Variants in PARD3 observed in about 807,000 individuals in gnomAD.
The protein encoded by PARD3 is par-3 family cell polarity regulator.
PARD3 carries 75 observed loss-of-function variants against 155.4 expected under a neutral mutation model. The observed-to-expected ratio is 0.48, with a 90% confidence interval of 0.40 to 0.58. The LOEUF (loss-of-function observed/expected upper bound fraction) is 0.58, where lower values mean the gene tolerates loss of function less well. Ranked by LOEUF, PARD3 falls within the 20% of genes least tolerant of loss-of-function variation. PARD3 has a pLI of 0.00. For synonymous variants in PARD3, 576 were observed against 610.5 expected, an observed-to-expected ratio of 0.94 and a Z score of 0.83; for missense variants, 1,642 against 1,721.7, an observed-to-expected ratio of 0.95 and a Z score of 0.82.
At chr10:34,542,411 AT>A (rs2083707628) in intron 2 of PARD3, among the ~76,000 whole-genome samples, 1 of 152,170 alleles carries the variant, frequency 6.6e-6, no homozygotes, top group African/African-American at 2.4e-5. Context: ...TCTAAACAGT[AT>A]AGGTCAGGGA....
chr10:34,297,027 C>T (rs1336065780), intron 20 of PARD3, among the ~76,000 whole-genome samples: 2 of 152,192 alleles, frequency 1.3e-5, no homozygotes. Context: ...CCATGATAAA[C>T]AGCCTCACTC....
intron 2 of PARD3, among the ~76,000 whole-genome samples, chr10:34,628,873 G>A (rs1425570278): frequency 6.6e-6 from 1 of 152,188 alleles, no homozygotes; most frequent in Non-Finnish European, 1.5e-5. Flanking sequence ...GCATTACAGA[G>A]AGGAGTGGTT....
intron 1 of PARD3, among the ~76,000 whole-genome samples, chr10:34,757,693 G>GAA (rs970413008): frequency 7.3e-6 from 1 of 136,722 alleles, no homozygotes. Flanking sequence ...CTGTCTCCAA[G>GAA]AAAAAAAAAA....
chr10:34,194,452 G>A (rs535669860), intron 22 of PARD3, among the ~76,000 whole-genome samples: 26 of 152,104 alleles, frequency 1.7e-4, no homozygotes, highest in South Asian at 4.2e-4. Context: ...AACCAAGATC[G>A]CACAGAGAAA....
Position 34,359,291 on chromosome 10 carries a change from T to C in PARD3, c.1923A>G (p.Gln641=), listed in dbSNP as rs780645347. ...GGGATTCTCCATTTACTGCTATCAG[T>C]TGATCATTCACCCGAAGCCTTCCAT... ...SKDGRLRVND[Q]LIAVNGESLL... is the part of the protein sequence containing the mutation. Residue 641 remains glutamine, a synonymous_variant, in exon 14 of 25, where the codon CAA becomes CAG. Transcript: ENST00000374788. The C allele has an allele frequency of 1.9e-6, 3 of 1,613,916 alleles. No homozygotes were observed. The highest frequency in any genetic ancestry group is 2.5e-6 in the Non-Finnish European group (3 of 1,179,870).
chr10:34,578,094 T>A (rs2087057579), intron 2 of PARD3, among the ~76,000 whole-genome samples: 1 of 151,822 alleles, frequency 6.6e-6, no homozygotes, highest in African/African-American at 2.4e-5. Flanking sequence ...TGTCTCAGTA[T>A]GAACTCCTGG....
chr10:34,503,065 T>C (rs1020433840), intron 3 of PARD3, among the ~76,000 whole-genome samples: 2 of 151,660 alleles, frequency 1.3e-5, no homozygotes, highest in East Asian at 1.9e-4. Flanking sequence ...TTAAAAAAAA[T>C]TGGCTATTAT....
intron 22 of PARD3, among the ~76,000 whole-genome samples, chr10:34,151,426 A>T (rs892894948): frequency 2.0e-5 from 3 of 151,452 alleles, no homozygotes; most frequent in African/African-American, 4.9e-5. Context: ...GTTTTTTTTT[A>T]AATTTTATTT....
At chr10:34,381,967 G>T (rs1394324665) in intron 9 of PARD3, among the ~76,000 whole-genome samples, 2 of 112,982 alleles carry the variant, frequency 1.8e-5, no homozygotes, top group East Asian at 4.9e-4. Flanking sequence ...GAGAGGAAAA[G>T]AAAAGAAAAA....
intron 22 of PARD3, among the ~76,000 whole-genome samples, chr10:34,157,054 A>G (rs912680980): frequency 7.2e-5 from 11 of 152,186 alleles, no homozygotes; most frequent in African/African-American, 2.4e-4. Flanking sequence ...AATTGTAAAA[A>G]CCTCATTTTA....
At chr10:34,657,131 G>A (rs1034308631) in intron 2 of PARD3, among the ~76,000 whole-genome samples, 4 of 152,044 alleles carry the variant, frequency 2.6e-5, no homozygotes, top group Admixed American at 2.6e-4. Flanking sequence ...TCACAGCTGG[G>A]CACGATGGCT....
intron 5 of PARD3, among the ~76,000 whole-genome samples, chr10:34,406,889 TCACATTG>T (rs1844535842): frequency 6.6e-6 from 1 of 152,112 alleles, no homozygotes; most frequent in Non-Finnish European, 1.5e-5. Flanking sequence ...TGAGCAATTG[TCACATTG>T]CCATGTGCTG....
chr10:34,624,401 G>A (rs546029620), intron 2 of PARD3, among the ~76,000 whole-genome samples: 1 of 152,212 alleles, frequency 6.6e-6, no homozygotes, highest in Non-Finnish European at 1.5e-5. Context: ...TTGTGACTAA[G>A]GGCAGTCTTT....
intron 2 of PARD3, among the ~76,000 whole-genome samples, chr10:34,624,047 C>G (rs965205276): frequency 6.6e-6 from 1 of 151,966 alleles, no homozygotes. Context: ...CACCAGCTGC[C>G]TGGTCTCTAG....
At chr10:34,180,292 G>C (rs1384682305) in intron 22 of PARD3, among the ~76,000 whole-genome samples, 5 of 152,168 alleles carry the variant, frequency 3.3e-5, no homozygotes, top group Non-Finnish European at 5.9e-5. Flanking sequence ...TGATCCGCCT[G>C]CCTCAGCCAC....
chr10:34,719,300 G>T (rs763298481), intron 1 of PARD3, among the ~76,000 whole-genome samples: 3 of 152,078 alleles, frequency 2.0e-5, no homozygotes, highest in Non-Finnish European at 4.4e-5. Flanking sequence ...AGAATTTGAG[G>T]TTTCAAGGGA....
intron 20 of PARD3, among the ~76,000 whole-genome samples, chr10:34,305,083 A>G (rs1432821722): frequency 2.0e-5 from 3 of 152,236 alleles, no homozygotes; most frequent in Non-Finnish European, 4.4e-5. Context: ...CCTTTGTATG[A>G]GCAGAGACTG....
At chr10:34,547,077 G>A (rs969703126) in intron 2 of PARD3, among the ~76,000 whole-genome samples, 7 of 152,088 alleles carry the variant, frequency 4.6e-5, no homozygotes, top group Admixed American at 6.5e-5. Context: ...AGACCACAAC[G>A]GCTGATGAAA....
intron 22 of PARD3, among the ~76,000 whole-genome samples, chr10:34,173,858 A>G (rs563681129): frequency 5.9e-5 from 9 of 152,302 alleles, no homozygotes; most frequent in Non-Finnish European, 1.2e-4. Flanking sequence ...AGGCAAATGA[A>G]GAAGTTTAAC....
Sources: allele counts gnomAD v4.1 joint callset (sites outside exome capture counted in the v4.1 genomes callset), GRCh38; gene constraint gnomAD v4.1.1; transcripts MANE v1.5; gene names NCBI Gene and HGNC (gene_info 2026-07-23, HGNC 2026-07-21).